Variants in DNAJB1 observed in about 807,000 individuals in gnomAD.
DNAJB1 encodes dnaJ homolog subfamily B member 1.
In DNAJB1, 14 loss-of-function variants were observed where a neutral mutation model predicts 24.0. The observed-to-expected ratio is 0.58, with a 90% CI of 0.39 to 0.91. The LOEUF (loss-of-function observed/expected upper bound fraction) is 0.91. DNAJB1 is among the 40% of genes least tolerant of loss of function. The pLI is 0.00. For synonymous variants in DNAJB1, 262 were observed against 174.4 expected, an observed-to-expected ratio of 1.50 and a Z score of -3.96; for missense variants, 517 against 458.1, an observed-to-expected ratio of 1.13 and a Z score of -1.17.
chr19:14,559,075 C>T (rs888303568), intron 1 of DNAJB1, among the ~76,000 whole-genome samples: 5 of 152,176 alleles, frequency 3.3e-5, no homozygotes, highest in Non-Finnish European at 5.9e-5. Context: ...TAGGCCCTCC[C>T]TCTGAGGGGT....
At chr19:14,530,922 A>G (rs2072622915), upstream of DNAJB1, 1 of 152,200 alleles carries the variant, frequency 6.6e-6, no homozygotes. Context: ...TGTAGACGTT[A>G]AATACTAACT....
chr19:14,542,448 G>A lies in DNAJB1; in HGVS notation c.-214+7760C>T, dbSNP rs960581637. 6.0e-5 allele frequency among the ~76,000 whole-genome samples: 8 copies of A among 133,806 alleles called. No individual in the cohort carries two copies. The East Asian group carries it at 1.0e-3, about 17-fold the overall frequency. The allele number at this position is 133,806 out of a possible 152,430, so 87.8% of individuals were successfully genotyped here. A position where few individuals can be genotyped will look rare whatever the true frequency, so the allele number is the denominator to read the frequency against. ...GCAATCTCGGCTCACTGCAACCTCC[G>A]CCTCCCGGGTTCAATCAATTCTCCT... On this transcript the variant is annotated intron_variant, in intron 1 of 3. Coordinates refer to the DNAJB1 transcript ENST00000676982.
At chr19:14,552,172 CTTTT>C (rs536176918), upstream of DNAJB1, among the ~76,000 whole-genome samples, 1 of 133,480 alleles carries the variant, frequency 7.5e-6, no homozygotes. Context: ...TTTCTTTTTT[CTTTT>C]TTTTTTTTTT....
At chr19:14,552,646 T>C (rs2073570348), upstream of DNAJB1, among the ~76,000 whole-genome samples, 1 of 151,854 alleles carries the variant, frequency 6.6e-6, no homozygotes, top group Non-Finnish European at 1.5e-5. Flanking sequence ...GCCATTCTCC[T>C]GCCTCAGCCT....
intron 1 of DNAJB1, among the ~76,000 whole-genome samples, chr19:14,557,736 G>A (rs1363604239): frequency 6.7e-6 from 1 of 148,676 alleles, no homozygotes; most frequent in South Asian, 2.1e-4. Flanking sequence ...ACAGGCATGA[G>A]CCACCGTGCC....
At chr19:14,516,286 C>A in intron 2 of DNAJB1, 116 bp from the exon 3 acceptor site, 2 of 1,313,650 alleles carry the variant, frequency 1.5e-6, no homozygotes, top group East Asian at 2.4e-5. Context: ...AGACCTGGCC[C>A]CCAAATCTAC....
Position 14,539,358 on chromosome 19 carries a change from A to G in DNAJB1, c.-214+10850T>C, listed in dbSNP as rs550686255. Reference sequence around the variant, plus strand: ...ATGGGAAGACCCTTGGGGAAGTCACACCACACTCAGAGCCCACTTTTTAAC... The same window carrying G: ...ATGGGAAGACCCTTGGGGAAGTCACGCCACACTCAGAGCCCACTTTTTAAC... On this transcript the variant is annotated intron_variant, in intron 1 of 3. Transcript: ENST00000676982. 2.2e-4 allele frequency among the ~76,000 whole-genome samples: 34 copies of G among 151,888 alleles called. 1 individual carries two copies. In the South Asian group the frequency reaches 7.1e-3, roughly 32 times the overall value.
At chr19:14,522,712 A>T (rs1463097107), upstream of DNAJB1, among the ~76,000 whole-genome samples, 4 of 151,506 alleles carry the variant, frequency 2.6e-5, no homozygotes, top group African/African-American at 9.7e-5. Context: ...ACACACACAC[A>T]CACACACACA....
At chr19:14,556,338 T>C (rs2073720014) in intron 1 of DNAJB1, among the ~76,000 whole-genome samples, 1 of 151,694 alleles carries the variant, frequency 6.6e-6, no homozygotes. Context: ...CAAATGGCCA[T>C]CCTCTTGGAG....
chr19:14,535,193 C>T (rs2072817034), intron 1 of DNAJB1, among the ~76,000 whole-genome samples: 2 of 151,180 alleles, frequency 1.3e-5, no homozygotes, highest in South Asian at 2.1e-4. Context: ...GCCAACATGG[C>T]GAAACCCCCT....
At chr19:14,530,127 CTTG>C (rs2072572453), upstream of DNAJB1, 2 of 295,310 alleles carry the variant, frequency 6.8e-6, no homozygotes, top group Admixed American at 4.6e-5. Context: ...TATCAGTATT[CTTG>C]TGTACGACCT....
intron 1 of DNAJB1, among the ~76,000 whole-genome samples, chr19:14,540,892 T>C (rs2073074585): frequency 1.3e-5 from 2 of 151,994 alleles, no homozygotes; most frequent in Non-Finnish European, 2.9e-5. Context: ...TGGAGTGCAG[T>C]AGAGTGATCT....
intron 1 of DNAJB1, among the ~76,000 whole-genome samples, chr19:14,538,978 T>A (rs1304854327): frequency 4.8e-5 from 7 of 146,018 alleles, no homozygotes; most frequent in African/African-American, 1.5e-4. Context: ...CAAGTCACAT[T>A]TTTTTTTTTT....
chr19:14,553,834 C>T (rs1024267892), upstream of DNAJB1, among the ~76,000 whole-genome samples: 2 of 152,124 alleles, frequency 1.3e-5, no homozygotes, highest in Non-Finnish European at 2.9e-5. Flanking sequence ...TTGTGCCCGG[C>T]GCGGGGATGG....
At chr19:14,558,007 G>A (rs1599484844) in intron 1 of DNAJB1, among the ~76,000 whole-genome samples, 2 of 152,096 alleles carry the variant, frequency 1.3e-5, no homozygotes, top group East Asian at 3.9e-4. Flanking sequence ...CGCCCGCCTC[G>A]GCCTCCCAAA....
chr19:14,541,267 G>A (rs893650225), intron 1 of DNAJB1, among the ~76,000 whole-genome samples: 11 of 152,258 alleles, frequency 7.2e-5, no homozygotes, highest in African/African-American at 2.2e-4. Context: ...GTATGCCACC[G>A]TGCCTGGCTG....
Position 14,518,186 on chromosome 19 carries a change from A to G in DNAJB1, c.164T>C (p.Leu55Pro). 1 of 1,596,886 alleles carries G rather than the reference A, an allele frequency of 6.3e-7. No homozygotes were observed. The highest frequency in any genetic ancestry group is 8.5e-7 in the Non-Finnish European group (1 of 1,172,634). ...GATCTCGCGCTTGCGCGGGTCGCTG[A>G]GCACGTCGTAGGCCTCAGCGATCTC... is the stretch of plus-strand genomic sequence containing the variant. ...FKEIAEAYDV[L>P]SDPRKREIFD... Residue 55 changes from leucine to proline, a missense_variant, in exon 1 of 3, where the codon CTC (leucine) becomes CCC (proline). Transcript: ENST00000254322.
upstream of DNAJB1, chr19:14,530,383 T>C (rs537356507): frequency 1.0e-3 from 158 of 153,324 alleles, no homozygotes; most frequent in African/African-American, 3.5e-3. Flanking sequence ...CGAAGTCTTC[T>C]GATGTGCTTA....
chr19:14,546,482 G>A (rs866470879), intron 1 of DNAJB1, among the ~76,000 whole-genome samples: 60 of 152,236 alleles, frequency 3.9e-4, no homozygotes, highest in African/African-American at 1.3e-3. Flanking sequence ...GGCTACTTGC[G>A]AGGCTGAGGC....
Sources: gnomAD v4.1 joint callset for allele counts (sites outside exome capture counted in the v4.1 genomes callset) on GRCh38, gnomAD v4.1.1 for gene constraint, MANE v1.5 for transcripts, NCBI Gene and HGNC (gene_info 2026-07-23, HGNC 2026-07-21) for gene names.